The following ZNF148 variants were observed in gnomAD, a reference collection of about 807,000 sequenced individuals.
ZNF148 encodes Beta-Enolase Repressor Factor-1.
A neutral mutation model predicts 67.7 loss-of-function variants in ZNF148; 7 were observed. The observed-to-expected ratio is 0.10, with a 90% confidence interval of 0.06 to 0.19. The LOEUF (loss-of-function observed/expected upper bound fraction) is 0.19, where lower values mean the gene tolerates loss of function less well. Among genes scored for constraint, ZNF148 ranks in the 10% least tolerant of loss-of-function variants. The pLI, the probability that ZNF148 is intolerant of heterozygous loss-of-function variation, is 1.00. For synonymous variants in ZNF148, 333 were observed against 330.7 expected, an observed-to-expected ratio of 1.01 and a Z score of -0.08; for missense variants, 583 against 947.1, an observed-to-expected ratio of 0.62 and a Z score of 5.05.
At chr3:125,338,609 G>A (rs191051548) in intron 1 of ZNF148, among the ~76,000 whole-genome samples, 2 of 117,160 alleles carry the variant, frequency 1.7e-5, no homozygotes, top group Non-Finnish European at 3.2e-5. Flanking sequence ...GCAGTGAGCC[G>A]ACATTGTGCC....
intron 1 of ZNF148, among the ~76,000 whole-genome samples, chr3:125,342,580 T>C (rs1941774444): frequency 6.7e-6 from 1 of 148,472 alleles, no homozygotes; most frequent in African/African-American, 2.5e-5. Flanking sequence ...TATTCTCAAA[T>C]GAAGAAAAGT....
In ZNF148 at chr3:125,249,798, A is replaced by C. The variant is rs148867183; in HGVS notation, c.668-15469T>G. ...AGCGTCTGTCAATGGATGAATGGAT[A>C]AAGAAAATGTGGGGGGTGTGTGTGT... On this transcript the variant is annotated intron_variant, in intron 7 of 8. Transcript: ENST00000360647. Among the ~76,000 whole-genome samples the C allele has an allele frequency of 1.1e-3, 163 of 152,324 alleles. 1 individual carries two copies. Among genetic ancestry groups the C allele is most frequent in the Non-Finnish European group, 2.0e-3 (133 of 68,030 alleles).
intron 4 of ZNF148, among the ~76,000 whole-genome samples, chr3:125,307,509 T>C (rs1939951384): frequency 6.6e-6 from 1 of 152,178 alleles, no homozygotes; most frequent in Non-Finnish European, 1.5e-5. Context: ...TTTCACCTTG[T>C]TAGCCAGGAT....
chr3:125,352,350 G>T (rs574639366), intron 1 of ZNF148, among the ~76,000 whole-genome samples: 1 of 152,302 alleles, frequency 6.6e-6, no homozygotes, highest in South Asian at 2.1e-4. Flanking sequence ...AAGTCCTAGA[G>T]ACTGAAAGTA....
At position 125,333,908 on chromosome 3, in the gene ZNF148, T is replaced by C. The variant is rs527924831; in HGVS notation, c.-233-2670A>G. Among the ~76,000 whole-genome samples the C allele has an allele frequency of 1.4e-4, 22 of 152,364 alleles. 1 individual carries two copies. In the South Asian group the frequency reaches 3.5e-3, roughly 24 times the overall value. On this transcript the variant is annotated intron_variant, in intron 1 of 8. Transcript: ENST00000360647. ...ATCAAACCACTGTTAAGTAGGGAAC[T>C]ATTGTATTTTAAGGTAGGAGTTTTA...
chr3:125,338,068 C>T (rs985440217), intron 1 of ZNF148, among the ~76,000 whole-genome samples: 2 of 152,084 alleles, frequency 1.3e-5, no homozygotes, highest in African/African-American at 2.4e-5. Context: ...TGCACCACTG[C>T]ACTCCAGCCT....
At chr3:125,318,984 C>T (rs1940647434) in intron 3 of ZNF148, among the ~76,000 whole-genome samples, 1 of 152,024 alleles carries the variant, frequency 6.6e-6, no homozygotes, top group African/African-American at 2.4e-5. Flanking sequence ...ATTAAATTTC[C>T]CCTCCCTGCT....
At chr3:125,273,373 G>T (rs180856392) in intron 7 of ZNF148, among the ~76,000 whole-genome samples, 248 of 152,156 alleles carry the variant, frequency 1.6e-3, no homozygotes, top group Middle Eastern at 6.8e-3. Flanking sequence ...TTTTTACAGA[G>T]AGAACTGTAT....
chr3:125,356,619 CTT>C (rs1338811097), intron 1 of ZNF148, among the ~76,000 whole-genome samples: 4 of 152,168 alleles, frequency 2.6e-5, no homozygotes, highest in Non-Finnish European at 4.4e-5. Flanking sequence ...AAGAAACGCT[CTT>C]GTTTAATCAC....
At chr3:125,326,939 A>T (rs1485469856) in intron 2 of ZNF148, among the ~76,000 whole-genome samples, 3 of 151,078 alleles carry the variant, frequency 2.0e-5, no homozygotes, top group Admixed American at 2.0e-4. Context: ...CTAATTAAAT[A>T]TGAATGGTCT....
In ZNF148 at chr3:125,306,100, GAAAT is replaced by G. The variant is rs562510514; in HGVS notation, c.333+7204_333+7207del. On this transcript the variant is annotated intron_variant, in intron 4 of 8. Coordinates refer to ENST00000360647, the MANE Select transcript of ZNF148 (RefSeq NM_021964.3). ...TTCTAATTAACTCATGAATCAAAAA[GAAAT>G]AAAGGAAGTTAGAAGTATCTTTAAT... Among the ~76,000 whole-genome samples the G allele has an allele frequency of 2.0e-5, 3 of 151,932 alleles. No homozygotes were observed. In the South Asian group the frequency reaches 6.2e-4, roughly 32 times the overall value.
At chr3:125,332,325 T>C (rs1451670038) in intron 1 of ZNF148, among the ~76,000 whole-genome samples, 1 of 152,220 alleles carries the variant, frequency 6.6e-6, no homozygotes, top group Non-Finnish European at 1.5e-5. Context: ...CAAAAGCATA[T>C]ACATGTCATT....
At chr3:125,249,104 C>T (rs1221177301) in intron 7 of ZNF148, among the ~76,000 whole-genome samples, 1 of 152,142 alleles carries the variant, frequency 6.6e-6, no homozygotes, top group African/African-American at 2.4e-5. Context: ...GAGAAAGCTC[C>T]TTGACATGGG....
intron 1 of ZNF148, among the ~76,000 whole-genome samples, chr3:125,366,651 A>G (rs1157868592): frequency 6.6e-6 from 1 of 152,192 alleles, no homozygotes; most frequent in Non-Finnish European, 1.5e-5. Context: ...ACATTCATAC[A>G]TGCATATATT....
At chr3:125,318,855 A>T (rs1212365848) in intron 3 of ZNF148, among the ~76,000 whole-genome samples, 1 of 152,178 alleles carries the variant, frequency 6.6e-6, no homozygotes, top group African/African-American at 2.4e-5. Context: ...TTCGCAGATT[A>T]CTTCAAATTC....
chr3:125,344,159 T>A lies in ZNF148; in HGVS notation c.-233-12921A>T, dbSNP rs1941847941. 1.5e-5 allele frequency: 4 copies of A among 272,500 alleles called. No individual in the cohort carries two copies. In the Admixed American group the frequency reaches 2.0e-4, roughly 13 times the overall value. The allele number at this position is 272,500 out of a possible 1,614,324, so 16.9% of individuals were successfully genotyped here. A position where few individuals can be genotyped will look rare whatever the true frequency, so the allele number is the denominator to read the frequency against. On this transcript the variant is annotated intron_variant, in intron 1 of 8. Coordinates refer to ENST00000360647, the MANE Select transcript of ZNF148 (RefSeq NM_021964.3). ...AACTGGCCATCTTCCTCAAATTCTATTCCTTCCTGACCATTCTCAACAATT... is the reference window on the plus strand; with the variant it reads ...AACTGGCCATCTTCCTCAAATTCTAATCCTTCCTGACCATTCTCAACAATT...
rs754942505 is a variant in ZNF148 at position 125,250,250 on chromosome 3, G to C, written c.668-15921C>G. Among the ~76,000 whole-genome samples the C allele has an allele frequency of 5.6e-4, 85 of 152,284 alleles. 1 individual carries two copies. Among genetic ancestry groups the C allele is most frequent in the Non-Finnish European group, 1.8e-4 (12 of 68,024 alleles). On this transcript the variant is annotated intron_variant, in intron 7 of 8. Coordinates refer to ENST00000360647, the MANE Select transcript of ZNF148 (RefSeq NM_021964.3). ...ACTTCACAATGTATACATATATCATGTTGTATACCTTAAATATATACAATT... is the reference window on the plus strand; with the variant it reads ...ACTTCACAATGTATACATATATCATCTTGTATACCTTAAATATATACAATT...
intron 3 of ZNF148, among the ~76,000 whole-genome samples, chr3:125,315,446 C>T (rs920360612): frequency 7.2e-5 from 11 of 151,976 alleles, no homozygotes; most frequent in African/African-American, 2.7e-4. Context: ...CAGTGGCTCA[C>T]GTCTGTCATC....
chr3:125,317,658 T>G (rs1270908724), intron 3 of ZNF148, among the ~76,000 whole-genome samples: 534 of 27,938 alleles, frequency 0.019, 1 homozygote, highest in African/African-American at 0.03. Flanking sequence ...TATATATATA[T>G]ATATAGAGAG....
Sources: allele counts gnomAD v4.1 joint callset (sites outside exome capture counted in the v4.1 genomes callset), GRCh38; gene constraint gnomAD v4.1.1; transcripts MANE v1.5; gene names NCBI Gene and HGNC (gene_info 2026-07-23, HGNC 2026-07-21).